The following IGF1R variants were observed in gnomAD, a reference collection of about 807,000 sequenced individuals.
The protein encoded by IGF1R is insulin like growth factor 1 receptor, also known as insulin-like growth factor 1 receptor.
Under a neutral mutation model 144.6 loss-of-function variants are expected in IGF1R, and 44 were observed. That is an observed-to-expected ratio of 0.30 (90% CI 0.24 to 0.39). IGF1R has a LOEUF of 0.39. Among genes scored for constraint, IGF1R ranks in the 10% least tolerant of loss-of-function variants. IGF1R has a pLI of 1.00. For missense variants in IGF1R, 1,355 were observed against 1,833.7 expected (o/e 0.74, Z 4.77); for synonymous variants, 795 against 722.8 (o/e 1.10, Z -1.60).
chr15:98,750,862 C>T (rs1253885656), intron 2 of IGF1R, among the ~76,000 whole-genome samples: 1 of 152,202 alleles, frequency 6.6e-6, no homozygotes, highest in East Asian at 1.9e-4. Flanking sequence ...TCACTACTCA[C>T]TGCAGCCTCT....
chr15:98,650,730 CG>C (rs1303436753), intron 1 of IGF1R, among the ~76,000 whole-genome samples: 1 of 152,234 alleles, frequency 6.6e-6, no homozygotes, highest in Non-Finnish European at 1.5e-5. Context: ...GTTTTGCGAG[CG>C]CGGAGCCCTG....
chr15:98,828,217 C>G (rs956674976), intron 2 of IGF1R, among the ~76,000 whole-genome samples: 8 of 152,208 alleles, frequency 5.3e-5, no homozygotes, highest in African/African-American at 1.9e-4. Context: ...TCCCAGCACC[C>G]TAAATACTCG....
intron 2 of IGF1R, among the ~76,000 whole-genome samples, chr15:98,713,022 C>T (rs189304093): frequency 4.6e-4 from 70 of 151,624 alleles, no homozygotes; most frequent in Admixed American, 4.3e-3. Context: ...ACAGCTACCC[C>T]GTGACAACAT....
At chr15:98,749,838 C>T (rs1045109227) in intron 2 of IGF1R, among the ~76,000 whole-genome samples, 1 of 151,250 alleles carries the variant, frequency 6.6e-6, no homozygotes, top group African/African-American at 2.4e-5. Context: ...TTCATGGTGC[C>T]ACCTGAAAAA....
At chr15:98,856,031 C>T (rs190760532) in intron 2 of IGF1R, among the ~76,000 whole-genome samples, 18 of 152,306 alleles carry the variant, frequency 1.2e-4, no homozygotes, top group Admixed American at 8.5e-4. Context: ...GTGATTTCCC[C>T]ACAGCCTCGG....
chr15:98,964,472 C>CTGCT lies in IGF1R; in HGVS notation c.*7032_*7035dup, dbSNP rs2017349555. The CTGCT allele has an allele frequency of 9.0e-6, 2 of 222,020 alleles. No individual in the cohort carries two copies. The highest frequency in any genetic ancestry group is 3.7e-4 in the South Asian group (2 of 5,462). 13.8% of individuals were successfully genotyped at this position (222,020 alleles called of 1,614,324 possible). A position where few individuals can be genotyped will look rare whatever the true frequency, so the allele number is the denominator to read the frequency against. ...TAAGGCAACGTTAGTTTCTCTTACTCTGCTTTTTTCTAGTAAAGTACTACA... is the reference window on the plus strand; with the variant it reads ...TAAGGCAACGTTAGTTTCTCTTACTCTGCTTGCTTTTTTCTAGTAAAGTACTACA... On this transcript the variant is annotated 3_prime_UTR_variant, in exon 21 of 21. Coordinates refer to ENST00000650285, the MANE Select transcript of IGF1R (RefSeq NM_000875.5).
chr15:98,886,083 G>T (rs1048989705), intron 2 of IGF1R, among the ~76,000 whole-genome samples: 1 of 152,146 alleles, frequency 6.6e-6, no homozygotes, highest in Non-Finnish European at 1.5e-5. Context: ...CTCCCAAAGT[G>T]CTGGGATCAC....
chr15:98,877,863 CTT>C (rs769941157), intron 2 of IGF1R, among the ~76,000 whole-genome samples: 3 of 152,198 alleles, frequency 2.0e-5, no homozygotes, highest in Non-Finnish European at 4.4e-5. Context: ...ATTGCATACT[CTT>C]CTCTAAATAG....
At chr15:98,758,238 A>G (rs1156572169) in intron 2 of IGF1R, among the ~76,000 whole-genome samples, 1 of 150,422 alleles carries the variant, frequency 6.6e-6, no homozygotes, top group African/African-American at 2.5e-5. Context: ...GAAAGTTTTT[A>G]TACTCCAATT....
intron 5 of IGF1R, among the ~76,000 whole-genome samples, chr15:98,906,405 C>T (rs952283178): frequency 2.6e-5 from 4 of 152,172 alleles, no homozygotes; most frequent in African/African-American, 9.7e-5. Flanking sequence ...GGAAGCAGCC[C>T]GACATTTGGG....
chr15:98,812,034 T>A (rs1190881274), intron 2 of IGF1R, among the ~76,000 whole-genome samples: 1 of 152,262 alleles, frequency 6.6e-6, no homozygotes, highest in African/African-American at 2.4e-5. Context: ...CTAGTTCTTT[T>A]ACTTGTTCTT....
chr15:98,927,054 A>G (rs1471669447), intron 13 of IGF1R, among the ~76,000 whole-genome samples: 1 of 152,020 alleles, frequency 6.6e-6, no homozygotes, highest in East Asian at 1.9e-4. Flanking sequence ...GGTTGAGTGA[A>G]CTCAGCTTGT....
At chr15:98,719,731 C>G (rs1233958501) in intron 2 of IGF1R, among the ~76,000 whole-genome samples, 1 of 152,114 alleles carries the variant, frequency 6.6e-6, no homozygotes, top group African/African-American at 2.4e-5. Context: ...GTGCTTAGGC[C>G]TCAGACACAG....
chr15:98,650,005 T>G, intron 1 of IGF1R, among the ~76,000 whole-genome samples: 1 of 152,078 alleles, frequency 6.6e-6, no homozygotes, highest in Non-Finnish European at 1.5e-5. Flanking sequence ...GGCTCCGCGG[T>G]TCCCGGGCCC....
rs781641455 is a variant in IGF1R at position 98,916,715 on chromosome 15, T to C, written c.2040T>C (p.Ile680=). Residue 680 remains isoleucine (I), a synonymous_variant, in exon 10 of 21, where the codon ATT becomes ATC. Coordinates refer to ENST00000650285, the MANE Select transcript of IGF1R (RefSeq NM_000875.5). ...IRKYADGTID[I]EEVTENPKTE... is the part of the protein sequence containing the mutation. ...AGTATGCCGACGGCACCATCGACAT[T>C]GAGGAGGTCACAGAGAACCCCAAGA... The C allele has an allele frequency of 6.2e-7, 1 of 1,613,874 alleles. No individual in the cohort carries two copies. Among genetic ancestry groups the C allele is most frequent in the Admixed American group, 1.7e-5 (1 of 59,994 alleles).
chr15:98,738,084 TCTAGATTAAAATC>T (rs2054654080), intron 2 of IGF1R, among the ~76,000 whole-genome samples: 1 of 152,236 alleles, frequency 6.6e-6, no homozygotes, highest in African/African-American at 2.4e-5. Flanking sequence ...TGCTCCTGTA[TCTAGATTAAAATC>T]CTATGACAGA....
intron 2 of IGF1R, among the ~76,000 whole-genome samples, chr15:98,788,056 CTCTCTCTGTGTGTG>C (rs1428285396): frequency 5.6e-4 from 60 of 106,448 alleles, no homozygotes; most frequent in African/African-American, 1.7e-3. Flanking sequence ...CTCTCTCTCT[CTCTCTCTGTGTGTG>C]TGTGTGTGTG....
At chr15:98,786,928 C>G (rs1339614006) in intron 2 of IGF1R, among the ~76,000 whole-genome samples, 1 of 152,194 alleles carries the variant, frequency 6.6e-6, no homozygotes, top group Non-Finnish European at 1.5e-5. Flanking sequence ...ACATTCCTTA[C>G]CTCTCTCACC....
At chr15:98,716,379 A>G (rs1411095873) in intron 2 of IGF1R, among the ~76,000 whole-genome samples, 1 of 152,138 alleles carries the variant, frequency 6.6e-6, no homozygotes, top group Non-Finnish European at 1.5e-5. Context: ...AGCATTTAAA[A>G]TGTTCATAAC....
Sources: gnomAD v4.1 joint callset for allele counts (sites outside exome capture counted in the v4.1 genomes callset) on GRCh38, gnomAD v4.1.1 for gene constraint, MANE v1.5 for transcripts, NCBI Gene and HGNC (gene_info 2026-07-23, HGNC 2026-07-21) for gene names.